The following GGTLC1 variants were observed in gnomAD, a reference collection of about 807,000 sequenced individuals.
GGTLC1 encodes the protein glutathione hydrolase light chain 1.
A neutral mutation model predicts 19.5 loss-of-function variants in GGTLC1; 14 were observed. The observed-to-expected ratio is 0.72, with a 90% CI of 0.47 to 1.12. The LOEUF (loss-of-function observed/expected upper bound fraction) is 1.12. Ranked by LOEUF, GGTLC1 falls within the 50% of genes most tolerant of loss-of-function variation. The pLI, the probability that GGTLC1 is intolerant of heterozygous loss-of-function variation, is 0.00. For synonymous variants in GGTLC1, 110 were observed against 124.2 expected (o/e 0.89, Z 0.76); for missense variants, 304 against 309.2 (o/e 0.98, Z 0.13).
Position 23,985,318 on chromosome 20 carries a change from G to A in GGTLC1, c.576C>T (p.Ile192=). 5.0e-6 allele frequency: 8 copies of A among 1,612,026 alleles called. No homozygotes were observed. The highest frequency in any genetic ancestry group is 6.8e-6 in the Non-Finnish European group (8 of 1,179,870). ...ALETRHHHTQ[I]TSTFIAVVQA... ...GCACCACAGCAATGAAGGTGGACGT[G>A]ATCTGGGTGTGATGGTGCCGGGTCT... Residue 192 remains isoleucine, a synonymous_variant, in exon 6 of 6, where the codon ATC becomes ATT. Transcript: ENST00000335694.
rs755253895 is a variant in GGTLC1, at chr20:23,986,523, T to C, written c.89A>G (p.Tyr30Cys). ...HPISYYKPEF[Y>C]MPDDGGTAHL... ...AGCAGTGCCCCCGTCATCCGGCATG[T>C]AGAACTCGGGCTTGTAGTAGGAGAT... Residue 30 changes from tyrosine to cysteine, a missense_variant, in exon 2 of 6, where the codon TAC becomes TGC. Tyr to Cys is a radical substitution (Grantham distance 194). Transcript: ENST00000335694. The C allele has an allele frequency of 5.6e-6, 9 of 1,611,780 alleles. No homozygotes were observed. The East Asian group carries it at 6.7e-5, about 12-fold the overall frequency.
In GGTLC1 at chr20:23,985,347, G is replaced by C. The variant is rs752999412; in HGVS notation, c.547C>G (p.Leu183Val). The C allele has an allele frequency of 6.2e-7, 1 of 1,611,884 alleles. No homozygotes were observed. Among genetic ancestry groups the C allele is most frequent in the Admixed American group, 1.7e-5 (1 of 60,026 alleles). Residue 183 changes from leucine to valine, a missense_variant, in exon 6 of 6, where the codon CTG becomes GTG. Leu to Val is a conservative substitution (Grantham distance 32). Transcript: ENST00000335694. ...RNIDQEVTAA[L>V]ETRHHHTQIT... The stretch of plus-strand genomic sequence containing the variant: ...TGGGTGTGATGGTGCCGGGTCTCCA[G>C]GGCTGCAGTCACTTCCTGGGGGTGG...
Position 23,986,501 on chromosome 20 carries a change from A to G in GGTLC1, c.111T>C (p.Thr37=), listed in dbSNP as rs776211084. Residue 37 remains threonine, a synonymous_variant, in exon 2 of 6, where the codon ACT becomes ACC. Transcript: ENST00000335694. ...CCTCTGCGACCACAGACAGGTGAGC[A>G]GTGCCCCCGTCATCCGGCATGTAGA... ...PEFYMPDDGG[T]AHLSVVAEDG... 1.2e-5 allele frequency: 19 copies of G among 1,611,852 alleles called. No homozygotes were observed. Among genetic ancestry groups the G allele is most frequent in the African/African-American group, 2.7e-5 (2 of 74,846 alleles).
rs376995039 is a variant in GGTLC1, at chr20:23,985,697, G to A, written c.501C>T (p.Asn167=). Residue 167 remains asparagine, a synonymous_variant, in exon 5 of 6, where the codon AAC becomes AAT. Transcript: ENST00000335694. ...CAATGTTTCTCTCCACTGTCGTGACGTTGGGCAGAAGCTGGTTGTGCAGCC... is the reference window on the plus strand; with the variant it reads ...CAATGTTTCTCTCCACTGTCGTGACATTGGGCAGAAGCTGGTTGTGCAGCC... ...EPRLHNQLLP[N]VTTVERNIDQ... 4.3e-5 allele frequency: 69 copies of A among 1,611,934 alleles called. No individual in the cohort carries two copies. Among genetic ancestry groups the A allele is most frequent in the Admixed American group, 1.2e-4 (7 of 60,002 alleles).
Position 23,987,475 on chromosome 20 carries a change from G to T in GGTLC1, c.-34-830C>A, listed in dbSNP as rs187774247. Among the ~76,000 whole-genome samples, 3 of 152,292 alleles carry T rather than the reference G, an allele frequency of 2.0e-5. No individual in the cohort carries two copies. The East Asian group carries it at 5.8e-4, about 30-fold the overall frequency. ...GAGGTAAACTCTGCAGAAGGGGCAG[G>T]TTTGGGGATGGTCAGGAGCTTGATT... On this transcript the variant is annotated intron_variant, in intron 1 of 5. Transcript: ENST00000335694.
rs1455818468 is a variant in GGTLC1, at chr20:23,986,650, G to C, written c.-34-5C>G. 17 of 1,602,736 alleles carry C rather than the reference G, an allele frequency of 1.1e-5. No individual in the cohort carries two copies. Among genetic ancestry groups the C allele is most frequent in the Non-Finnish European group, 1.2e-5 (14 of 1,173,346 alleles). On this transcript the variant is annotated splice_region_variant and splice_polypyrimidine_tract_variant and intron_variant, in intron 1 of 5. Coordinates refer to ENST00000335694, the MANE Select transcript of GGTLC1 (RefSeq NM_178311.3). The stretch of plus-strand genomic sequence containing the variant: ...TGCCGAGACCCCAGAGCTGGCCTAG[G>C]GAGGTGGGGAGGGAGGGTGGGGAGG...
chr20:23,986,572 T>A lies in GGTLC1; in HGVS notation c.40A>T (p.Ile14Phe), dbSNP rs772703971. ...ATCGGGTGAGTGGTGTCGTCAGAGA[T>A]CTGGGCCCGGAGCTGGGCAGAGAAG... Reference protein sequence around the residue: ...EFFSAQLRAQISDDTTHPISY... With the variant: ...EFFSAQLRAQFSDDTTHPISY... Residue 14 changes from isoleucine (I) to phenylalanine (F), a missense_variant, in exon 2 of 6, where the codon ATC becomes TTC. Coordinates refer to ENST00000335694, the MANE Select transcript of GGTLC1 (RefSeq NM_178311.3). 1 of 1,606,034 alleles carries A rather than the reference T, an allele frequency of 6.2e-7. No homozygotes were observed. Among genetic ancestry groups the A allele is most frequent in the East Asian group, 2.2e-5 (1 of 44,468 alleles).
chr20:23,985,568 G>T, intron 5 of GGTLC1, 99 bp downstream of exon 5: 1 of 1,602,348 alleles, frequency 6.2e-7, no homozygotes, highest in East Asian at 2.2e-5. Flanking sequence ...ACTAGAGAGA[G>T]GACACCAACC....
rs1016344489 is a variant in GGTLC1, at chr20:23,985,870, T to C, written c.409A>G (p.Thr137Ala). 3.1e-6 allele frequency: 5 copies of C among 1,611,896 alleles called. No homozygotes were observed. The highest frequency in any genetic ancestry group is 3.4e-6 in the Non-Finnish European group (4 of 1,179,858). ...AAGGTQITMATALAIIYNLWF... is the reference protein window; with the variant it reads ...AAGGTQITMAAALAIIYNLWF... ...AAAGGTGTGACACATACCAGTGCAG[T>C]GGCCATGGTGATCTGCGTGCCCCCG... Residue 137 changes from threonine to alanine, a missense_variant, in exon 4 of 6, where the codon ACT (threonine) becomes GCT (alanine). By Grantham distance (58) the Thr-to-Ala change is moderately conservative. Transcript: ENST00000335694.
rs1324609441 is a variant in GGTLC1, at chr20:23,986,080, C to T, written c.300G>A (p.Gln100=). 2.5e-6 allele frequency: 4 copies of T among 1,586,126 alleles called. No homozygotes were observed. The highest frequency in any genetic ancestry group is 2.7e-5 in the African/African-American group (2 of 73,070). The change falls in exon 3 of 6, where the codon CAG becomes CAA. Residue 100 remains glutamine, a synonymous_variant. Coordinates refer to ENST00000335694, the MANE Select transcript of GGTLC1 (RefSeq NM_178311.3). Reference sequence around the variant, plus strand: ...CCTCGGACCTCCACCCCATACCTGGCTGGATGAAATTGGCAGGTGAGGGGG... The same window carrying T: ...CCTCGGACCTCCACCCCATACCTGGTTGGATGAAATTGGCAGGTGAGGGGG... The part of the protein sequence containing the change: ...GVPPSPANFI[Q]PGKQPLSSMC...
At position 23,988,608 on chromosome 20, in the gene GGTLC1, C is replaced by T. The variant is rs942740468; in HGVS notation, c.-35+1G>A. The T allele has an allele frequency of 5.9e-5, 55 of 930,794 alleles. No individual in the cohort carries two copies. The African/African-American group carries it at 9.5e-4, about 16-fold the overall frequency. The allele number at this position is 930,794 out of a possible 1,614,324, so 57.7% of individuals were successfully genotyped here. ...TGCCAGCAAGTGCCTTGCGCGGGTA[C>T]CTGGCTGCGCTTATTAATCCGTTAA... On this transcript the variant is annotated splice_donor_variant, in intron 1 of 5. Coordinates refer to ENST00000335694, the MANE Select transcript of GGTLC1 (RefSeq NM_178311.3). LOFTEE classifies it low-confidence loss of function (5UTR_SPLICE).
rs1329907060 is a variant in GGTLC1, at chr20:23,988,569, C to G, written c.-35+40G>C. ...GTACCTATTGCATGACCCCCCACGT[C>G]CGCCTCCCGCCATTGCCAGCAAGTG... On this transcript the variant is annotated intron_variant, in intron 1 of 5. Transcript: ENST00000335694. 3 of 969,862 alleles carry G rather than the reference C, an allele frequency of 3.1e-6. No individual in the cohort carries two copies. The African/African-American group carries it at 5.3e-5, about 17-fold the overall frequency. 60.1% of individuals were successfully genotyped at this position (969,862 alleles called of 1,614,324 possible). A position where few individuals can be genotyped will look rare whatever the true frequency, so the allele number is the denominator to read the frequency against.
At chr20:23,986,285 C>T (rs1236147195) in intron 2 of GGTLC1, 82 bp from the exon 3 acceptor site, 8 of 1,599,676 alleles carry the variant, frequency 5.0e-6, no homozygotes, top group Non-Finnish European at 6.8e-6. Context: ...CTCAAACATA[C>T]TCACTGAGAG....
In GGTLC1 at chr20:23,985,151, C is replaced by T. The variant is rs577369159; in HGVS notation, c.*65G>A. 22 of 1,608,352 alleles carry T rather than the reference C, an allele frequency of 1.4e-5. No homozygotes were observed. The highest frequency in any genetic ancestry group is 1.9e-5 in the Non-Finnish European group (22 of 1,177,990). On this transcript the variant is annotated 3_prime_UTR_variant, in exon 6 of 6. Coordinates refer to ENST00000335694, the MANE Select transcript of GGTLC1 (RefSeq NM_178311.3). The stretch of plus-strand genomic sequence containing the variant: ...CAGGAGAAGCCTGTCCCCCAAAGTC[C>T]TCTTCCTCGTCCTGGTGAGTATTTT...
chr20:23,988,199 C>T (rs1042791765), intron 1 of GGTLC1, among the ~76,000 whole-genome samples: 1 of 149,158 alleles, frequency 6.7e-6, no homozygotes, highest in Non-Finnish European at 1.5e-5. Flanking sequence ...CAGGCGCATG[C>T]CACCATGTCT....
intron 1 of GGTLC1, among the ~76,000 whole-genome samples, chr20:23,987,942 A>G (rs1988033302): frequency 7.7e-6 from 1 of 129,142 alleles, no homozygotes; most frequent in Non-Finnish European, 1.6e-5. Flanking sequence ...CCAACTCCAG[A>G]GGCTGAGGCA....
chr20:23,988,393 GC>G (rs916933363), intron 1 of GGTLC1, among the ~76,000 whole-genome samples: 5 of 151,460 alleles, frequency 3.3e-5, no homozygotes, highest in African/African-American at 9.7e-5. Context: ...TGCACTTGTT[GC>G]CCAGGCTGGA....
In GGTLC1 at chr20:23,988,775, T is replaced by C; in HGVS notation, c.-201A>G. The C allele has an allele frequency of 3.7e-6, 1 of 270,246 alleles. No individual in the cohort carries two copies. Among genetic ancestry groups the C allele is most frequent in the South Asian group, 4.3e-5 (1 of 23,332 alleles). 16.7% of individuals were successfully genotyped at this position (270,246 alleles called of 1,614,324 possible). The stretch of plus-strand genomic sequence containing the variant: ...TGGACGAGGACGCAGAGCCCAGCTC[T>C]CGAGAGTTCAAGCAACCGACGGTTC... On this transcript the variant is annotated 5_prime_UTR_variant, in exon 1 of 6. Transcript: ENST00000335694.
chr20:23,988,395 C>T (rs553472806), intron 1 of GGTLC1, among the ~76,000 whole-genome samples: 2 of 151,894 alleles, frequency 1.3e-5, no homozygotes, highest in African/African-American at 2.4e-5. Context: ...CACTTGTTGC[C>T]CAGGCTGGAG....
Sources: gnomAD v4.1 joint callset for allele counts (sites outside exome capture counted in the v4.1 genomes callset) on GRCh38, gnomAD v4.1.1 for gene constraint, MANE v1.5 for transcripts, NCBI Gene and HGNC (gene_info 2026-07-23, HGNC 2026-07-21) for gene names.